Variants in FBXL2 observed in about 807,000 individuals in gnomAD.
The protein encoded by FBXL2 is F-box and leucine rich repeat protein 2.
A neutral mutation model predicts 69.2 loss-of-function variants in FBXL2; 38 were observed. The ratio of observed to expected loss-of-function variants is 0.55; its 90% CI spans 0.42 to 0.72. FBXL2 has a LOEUF of 0.72. Among genes scored for constraint, FBXL2 ranks in the 30% least tolerant of loss-of-function variants. The pLI, the probability that FBXL2 is intolerant of heterozygous loss-of-function variation, is 0.00. For missense variants in FBXL2, 354 were observed against 520.3 expected, an observed-to-expected ratio of 0.68 and a Z score of 3.11; for synonymous variants, 192 against 201.3, an observed-to-expected ratio of 0.95 and a Z score of 0.39.
intron 2 of FBXL2, among the ~76,000 whole-genome samples, chr3:33,339,606 C>T (rs1241489870): frequency 6.6e-6 from 1 of 152,092 alleles, no homozygotes; most frequent in East Asian, 1.9e-4. Context: ...ATACTATGCT[C>T]ATTACCTGGA....
chr3:33,277,615 G>C lies in FBXL2; in HGVS notation c.3+100G>C, dbSNP rs1308065524. Reference sequence around the variant, plus strand: ...CTAGGGTCGGGCAGGCGGCGCAGGGGTCGTGGAGAGGCCGGGCCGCGGCCT... The same window carrying C: ...CTAGGGTCGGGCAGGCGGCGCAGGGCTCGTGGAGAGGCCGGGCCGCGGCCT... On this transcript the variant is annotated intron_variant, in intron 1 of 14. Transcript: ENST00000484457. The C allele has an allele frequency of 6.0e-6, 7 of 1,173,116 alleles. No individual in the cohort carries two copies. The East Asian group carries it at 1.9e-4, about 32-fold the overall frequency. The allele number at this position is 1,173,116 out of a possible 1,614,324, so 72.7% of individuals were successfully genotyped here.
At chr3:33,286,794 G>A (rs1223840205) in intron 1 of FBXL2, among the ~76,000 whole-genome samples, 1 of 152,226 alleles carries the variant, frequency 6.6e-6, no homozygotes, top group East Asian at 1.9e-4. Flanking sequence ...AGACTGCTGT[G>A]TTAGCAATGA....
At chr3:33,340,780 T>C (rs1035591091) in intron 2 of FBXL2, among the ~76,000 whole-genome samples, 3 of 150,254 alleles carry the variant, frequency 2.0e-5, no homozygotes, top group African/African-American at 4.9e-5. Flanking sequence ...TAATCCCAGA[T>C]CCTAGGGAGA....
At chr3:33,412,455 C>T in the FBXL2 span, among the ~76,000 whole-genome samples, 1 of 151,712 alleles carries the variant, frequency 6.6e-6, no homozygotes, top group Non-Finnish European at 1.5e-5. Context: ...TGGTGGCGCG[C>T]ACCTGCAATC....
At chr3:33,323,303 C>A (rs1575191123) in intron 2 of FBXL2, among the ~76,000 whole-genome samples, 1 of 152,108 alleles carries the variant, frequency 6.6e-6, no homozygotes, top group South Asian at 2.1e-4. Context: ...TTAAAATGAA[C>A]CAAATCTTCC....
chr3:33,396,949 A>C, intron 12 of FBXL2: 1 of 1,119,812 alleles, frequency 8.9e-7, no homozygotes, highest in Non-Finnish European at 1.3e-6. Context: ...ACACAGGCAC[A>C]CACGCCAACC....
At chr3:33,405,435 T>C (rs537419291), downstream of FBXL2, among the ~76,000 whole-genome samples, 7 of 152,348 alleles carry the variant, frequency 4.6e-5, no homozygotes, top group East Asian at 1.9e-4. Context: ...CGCCAGAACA[T>C]TGCCTCCTTT....
intron 12 of FBXL2, chr3:33,398,463 GCA>G (rs772509781): frequency 3.3e-5 from 5 of 152,186 alleles, no homozygotes; most frequent in Admixed American, 6.5e-5. Flanking sequence ...GTATGTGTGT[GCA>G]CACCCTTAAC....
intron 2 of FBXL2, among the ~76,000 whole-genome samples, chr3:33,342,257 A>G (rs1410788457): frequency 6.6e-6 from 1 of 151,614 alleles, no homozygotes; most frequent in African/African-American, 2.4e-5. Context: ...CTCCCGCCTC[A>G]GCCTCCCAAA....
chr3:33,392,092 C>T (rs1032097245), downstream of FBXL2: 1 of 153,020 alleles, frequency 6.5e-6, no homozygotes, highest in African/African-American at 2.4e-5. Context: ...GGATTAATAA[C>T]ACCTCCTCAG....
At chr3:33,311,440 CA>C (rs1474299455) in intron 2 of FBXL2, among the ~76,000 whole-genome samples, 13 of 152,122 alleles carry the variant, frequency 8.5e-5, no homozygotes, top group Non-Finnish European at 1.5e-5. Context: ...GTTGGTGCCT[CA>C]TAATTCTGAT....
chr3:33,409,362 T>C, the FBXL2 span: 114 of 1,614,098 alleles, frequency 7.1e-5, no homozygotes, highest in Non-Finnish European at 8.5e-5. Context: ...AAACAAAGTA[T>C]ACTATTTCAT....
chr3:33,399,335 CACTACCTGGAG>C (rs2044132549), intron 12 of FBXL2, among the ~76,000 whole-genome samples: 1 of 152,222 alleles, frequency 6.6e-6, no homozygotes, highest in Non-Finnish European at 1.5e-5. Flanking sequence ...TTTCCTATAG[CACTACCTGGAG>C]AAGCAGTGCT....
At chr3:33,340,243 A>G (rs2039910684) in intron 2 of FBXL2, among the ~76,000 whole-genome samples, 1 of 152,140 alleles carries the variant, frequency 6.6e-6, no homozygotes, top group African/African-American at 2.4e-5. Flanking sequence ...TATACCTAGG[A>G]TTTGTATACC....
intron 1 of FBXL2, among the ~76,000 whole-genome samples, chr3:33,282,365 G>A (rs1225473492): frequency 2.0e-5 from 3 of 152,062 alleles, no homozygotes; most frequent in Non-Finnish European, 2.9e-5. Flanking sequence ...GTAGATGTGT[G>A]GTGTTATTTC....
the FBXL2 span, chr3:33,408,761 G>A: frequency 5.0e-6 from 8 of 1,613,856 alleles, no homozygotes; most frequent in South Asian, 1.1e-5. Flanking sequence ...TTCTGCTCAT[G>A]TTCAACTGCA....
In FBXL2 at chr3:33,350,951, C is replaced by CA. The variant is rs1309916183; in HGVS notation, c.66-8007dup. On this transcript the variant is annotated intron_variant, in intron 2 of 14. Coordinates refer to ENST00000484457, the MANE Select transcript of FBXL2 (RefSeq NM_012157.5). ...TGTCATGAAACCCCCAAAGAATTGA[C>CA]AAAAAAAAATAGTAATAATAAACCT... Among the ~76,000 whole-genome samples the CA allele has an allele frequency of 5.6e-4, 84 of 150,328 alleles. 1 individual carries two copies. Among genetic ancestry groups the CA allele is most frequent in the African/African-American group, 9.7e-4 (40 of 41,044 alleles).
intron 1 of FBXL2, among the ~76,000 whole-genome samples, chr3:33,295,848 A>G (rs1036332083): frequency 3.9e-5 from 6 of 152,190 alleles, no homozygotes; most frequent in East Asian, 1.9e-4. Context: ...CTTTTCATGT[A>G]TGTATTGGCC....
chr3:33,303,268 G>C (rs1440372472), intron 2 of FBXL2: 2 of 434,632 alleles, frequency 4.6e-6, no homozygotes, highest in Non-Finnish European at 9.2e-6. Flanking sequence ...TCGCTCTCGT[G>C]GTTGTTTTTT....
Sources: gnomAD v4.1 joint callset for allele counts (sites outside exome capture counted in the v4.1 genomes callset) on GRCh38, gnomAD v4.1.1 for gene constraint, MANE v1.5 for transcripts, NCBI Gene and HGNC (gene_info 2026-07-23, HGNC 2026-07-21) for gene names.